The following MAPK10 variants were observed in gnomAD, a reference collection of about 807,000 sequenced individuals.
MAPK10 encodes the protein JNK3 alpha protein kinase.
A neutral mutation model predicts 59.3 loss-of-function variants in MAPK10; 25 were observed. That is an observed-to-expected ratio of 0.42 (90% CI 0.31 to 0.59). The LOEUF is 0.59. MAPK10 is among the 20% of genes least tolerant of loss of function. MAPK10 has a pLI of 0.15. For synonymous variants in MAPK10, 190 were observed against 200.5 expected, an observed-to-expected ratio of 0.95 and a Z score of 0.44; for missense variants, 351 against 568.9, an observed-to-expected ratio of 0.62 and a Z score of 3.90.
intron 3 of MAPK10, among the ~76,000 whole-genome samples, chr4:86,174,426 A>G (rs185393050): frequency 3.4e-4 from 51 of 152,224 alleles, no homozygotes; most frequent in African/African-American, 1.2e-3. Flanking sequence ...ATGAGAGCAC[A>G]TGGACGCAGG....
rs527545906 is a variant in MAPK10, at chr4:86,018,018, G to A, written c.1253-648C>T. Among the ~76,000 whole-genome samples the A allele has an allele frequency of 1.1e-4, 17 of 152,326 alleles. No individual in the cohort carries two copies. In the East Asian group the frequency reaches 1.9e-3, roughly 17 times the overall value. On this transcript the variant is annotated intron_variant, in intron 13 of 13. Transcript: ENST00000641462. ...TTACAGGCGTGAGCCACCACGCCCC[G>A]CGGGCATTTGCATTTTTTAAAAGCT...
chr4:86,351,394 CAA>C (rs1389980804), intron 2 of MAPK10, among the ~76,000 whole-genome samples: 56 of 66,868 alleles, frequency 8.4e-4, no homozygotes, highest in Admixed American at 2.2e-3. Context: ...TGTGTATACA[CAA>C]ACACACACAC....
chr4:86,281,401 T>C (rs2094797954), intron 2 of MAPK10, among the ~76,000 whole-genome samples: 1 of 151,960 alleles, frequency 6.6e-6, no homozygotes, highest in African/African-American at 2.4e-5. Flanking sequence ...CTTGGGAGAC[T>C]GAGGCTGGAG....
At chr4:86,089,297 G>C in intron 9 of MAPK10, 6 of 1,540,794 alleles carry the variant, frequency 3.9e-6, no homozygotes, top group Non-Finnish European at 5.4e-6. Context: ...AAAATGAAAT[G>C]AAGATAAACA....
At chr4:86,220,010 C>T (rs914513498) in intron 2 of MAPK10, 3 of 152,026 alleles carry the variant, frequency 2.0e-5, no homozygotes, top group Admixed American at 1.3e-4. Context: ...TTTTGCCAAG[C>T]GTATGTTTAC....
chr4:86,295,177 C>A (rs1160484972), intron 2 of MAPK10, among the ~76,000 whole-genome samples: 1 of 152,214 alleles, frequency 6.6e-6, no homozygotes, highest in Non-Finnish European at 1.5e-5. Context: ...ACTTTCACTT[C>A]CATGTTATGA....
chr4:86,446,545 C>T (rs1352289860), intron 1 of MAPK10, among the ~76,000 whole-genome samples: 1 of 152,040 alleles, frequency 6.6e-6, no homozygotes, highest in Non-Finnish European at 1.5e-5. Flanking sequence ...TAAAAAAATG[C>T]CACTATAAAC....
intron 2 of MAPK10, among the ~76,000 whole-genome samples, chr4:86,283,303 A>C (rs1217107212): frequency 6.6e-6 from 1 of 152,202 alleles, no homozygotes; most frequent in African/African-American, 2.4e-5. Context: ...AACCATGTAG[A>C]ATATGTCATT....
intron 2 of MAPK10, among the ~76,000 whole-genome samples, chr4:86,302,507 C>T (rs1186638522): frequency 6.6e-6 from 1 of 152,180 alleles, no homozygotes; most frequent in Non-Finnish European, 1.5e-5. Flanking sequence ...GCCTCTGTTG[C>T]CATGGAAACA....
intron 1 of MAPK10, among the ~76,000 whole-genome samples, chr4:86,374,512 C>T (rs535202767): frequency 6.6e-6 from 1 of 152,220 alleles, no homozygotes; most frequent in South Asian, 2.1e-4. Context: ...TGTGTGGAGC[C>T]TATGGAAAGG....
intron 3 of MAPK10, among the ~76,000 whole-genome samples, chr4:86,179,435 C>A (rs1156567645): frequency 6.6e-6 from 1 of 151,958 alleles, no homozygotes; most frequent in East Asian, 1.9e-4. Flanking sequence ...CTAACCAAAG[C>A]AACCTACACA....
chr4:86,360,967 A>C (rs1220450686), upstream of MAPK10, among the ~76,000 whole-genome samples: 1 of 152,136 alleles, frequency 6.6e-6, no homozygotes, highest in African/African-American at 2.4e-5. Flanking sequence ...GGACTTCTCA[A>C]ATTACGTAAT....
intron 2 of MAPK10, among the ~76,000 whole-genome samples, chr4:86,247,259 G>T (rs1228446666): frequency 2.0e-5 from 3 of 152,116 alleles, no homozygotes; most frequent in African/African-American, 7.2e-5. Flanking sequence ...TTGAATCAGG[G>T]TATCACTTTC....
intron 1 of MAPK10, among the ~76,000 whole-genome samples, chr4:86,592,974 G>C (rs1763182505): frequency 6.6e-6 from 1 of 152,214 alleles, no homozygotes; most frequent in Admixed American, 6.5e-5. Context: ...CTTGGGAGCG[G>C]GGACTTAGCT....
At chr4:86,394,160 T>C (rs573813708) in intron 1 of MAPK10, among the ~76,000 whole-genome samples, 1 of 151,946 alleles carries the variant, frequency 6.6e-6, no homozygotes, top group Non-Finnish European at 1.5e-5. Flanking sequence ...TCCCAGCTAC[T>C]TGGGAGGCTG....
chr4:86,086,145 C>A (rs113835580), intron 9 of MAPK10, among the ~76,000 whole-genome samples: 10,155 of 152,046 alleles, frequency 0.067, 424 homozygotes, highest in Middle Eastern at 0.12. Context: ...AACAAACCTG[C>A]ATATCCTGCA....
upstream of MAPK10, among the ~76,000 whole-genome samples, chr4:86,455,674 T>G (rs1164530506): frequency 6.6e-6 from 1 of 152,072 alleles, no homozygotes; most frequent in Non-Finnish European, 1.5e-5. Flanking sequence ...CTAATAGACC[T>G]AAGAAATGAG....
intron 1 of MAPK10, among the ~76,000 whole-genome samples, chr4:86,509,526 G>C (rs1756052978): frequency 6.7e-6 from 1 of 149,874 alleles, no homozygotes; most frequent in Admixed American, 6.6e-5. Context: ...GTCTAGTCAA[G>C]AAAACCAGAT....
At chr4:86,370,422 G>T (rs1265881097) in intron 1 of MAPK10, among the ~76,000 whole-genome samples, 1 of 152,006 alleles carries the variant, frequency 6.6e-6, no homozygotes, top group African/African-American at 2.4e-5. Flanking sequence ...CACTGTTAGA[G>T]CTGTGTGACA....
Sources: gnomAD v4.1 joint callset for allele counts (sites outside exome capture counted in the v4.1 genomes callset) on GRCh38, gnomAD v4.1.1 for gene constraint, MANE v1.5 for transcripts, NCBI Gene and HGNC (gene_info 2026-07-23, HGNC 2026-07-21) for gene names.